The following NRG3 variants were observed in gnomAD, a reference collection of about 807,000 sequenced individuals.
NRG3 encodes neuregulin 3.
In NRG3, 31 loss-of-function variants were observed where a neutral mutation model predicts 66.9. The ratio of observed to expected loss-of-function variants is 0.46; its 90% CI spans 0.35 to 0.63. The LOEUF is 0.63. NRG3 is among the 20% of genes least tolerant of loss of function. The pLI is 0.00. For missense variants in NRG3, 910 were observed against 878.9 expected (o/e 1.04, Z -0.45); for synonymous variants, 393 against 359.4 (o/e 1.09, Z -1.06).
chr10:82,509,533 C>T, intron 2 of NRG3, among the ~76,000 whole-genome samples: 1 of 152,112 alleles, frequency 6.6e-6, no homozygotes, highest in East Asian at 1.9e-4. Flanking sequence ...CAACAAATCA[C>T]CATAAAGCCT....
intron 2 of NRG3, among the ~76,000 whole-genome samples, chr10:82,618,498 A>G (rs1314230189): frequency 6.6e-6 from 1 of 152,180 alleles, no homozygotes; most frequent in African/African-American, 2.4e-5. Flanking sequence ...CACACTGTCT[A>G]TCCTGAGTCA....
chr10:82,092,126 A>G (rs945686416), intron 1 of NRG3, among the ~76,000 whole-genome samples: 3 of 152,192 alleles, frequency 2.0e-5, no homozygotes, highest in African/African-American at 4.8e-5. Flanking sequence ...AACTTTTACT[A>G]TGAAGTTGAA....
intron 2 of NRG3, among the ~76,000 whole-genome samples, chr10:82,683,572 T>C (rs1033699536): frequency 2.0e-5 from 3 of 152,166 alleles, no homozygotes; most frequent in Non-Finnish European, 4.4e-5. Context: ...AAGATAATAT[T>C]AAAGAAATGG....
chr10:82,981,111 G>A (rs1360157064), intron 8 of NRG3, among the ~76,000 whole-genome samples: 2 of 152,106 alleles, frequency 1.3e-5, no homozygotes, highest in Admixed American at 1.3e-4. Context: ...ATTAGTAAGG[G>A]TGCTTGGAGC....
At chr10:82,092,360 T>A (rs1024064843) in intron 1 of NRG3, among the ~76,000 whole-genome samples, 2 of 151,984 alleles carry the variant, frequency 1.3e-5, no homozygotes, top group Non-Finnish European at 2.9e-5. Flanking sequence ...TAAAAATCCA[T>A]TATCCCCACC....
At chr10:82,930,470 CT>C (rs1399139989) in intron 4 of NRG3, among the ~76,000 whole-genome samples, 1 of 152,078 alleles carries the variant, frequency 6.6e-6, no homozygotes, top group East Asian at 1.9e-4. Flanking sequence ...TTTTGAGTGC[CT>C]TTTCGGATGT....
chr10:82,396,547 C>T (rs1420708130), intron 2 of NRG3, among the ~76,000 whole-genome samples: 1 of 152,148 alleles, frequency 6.6e-6, no homozygotes, highest in Admixed American at 6.5e-5. Context: ...TACTCATGAA[C>T]AAATATATGC....
intron 2 of NRG3, among the ~76,000 whole-genome samples, chr10:82,542,584 C>T (rs1747866634): frequency 6.6e-6 from 1 of 152,178 alleles, no homozygotes; most frequent in Admixed American, 6.5e-5. Context: ...TGTAAGAAAT[C>T]TTGGCAGATA....
intron 2 of NRG3, among the ~76,000 whole-genome samples, chr10:82,379,144 A>G (rs1412839619): frequency 6.6e-6 from 1 of 152,082 alleles, no homozygotes; most frequent in African/African-American, 2.4e-5. Flanking sequence ...TGAAGCCTGG[A>G]CCTAAGAAAT....
chr10:82,628,226 A>T (rs1323398938), intron 2 of NRG3, among the ~76,000 whole-genome samples: 2 of 152,202 alleles, frequency 1.3e-5, no homozygotes, highest in African/African-American at 4.8e-5. Flanking sequence ...ATTTCATTTT[A>T]TATATATTTT....
At chr10:82,094,986 A>C (rs1437168830) in intron 1 of NRG3, among the ~76,000 whole-genome samples, 1 of 152,184 alleles carries the variant, frequency 6.6e-6, no homozygotes, top group African/African-American at 2.4e-5. Flanking sequence ...ACCCCTATGC[A>C]ATATATTCAT....
chr10:82,830,530 A>G lies in NRG3; in HGVS notation c.1028-34881A>G, dbSNP rs569611433. ...AGTTAAAAATTCTGAGTTAAAACCT[A>G]TCTTGATCACAACCTAAGACTATAC... On this transcript the variant is annotated intron_variant, in intron 3 of 8. Coordinates refer to ENST00000372141, the MANE Select transcript of NRG3 (RefSeq NM_001010848.4). Among the ~76,000 whole-genome samples the G allele has an allele frequency of 2.0e-5, 3 of 152,308 alleles. No individual in the cohort carries two copies. In the South Asian group the frequency reaches 6.2e-4, roughly 32 times the overall value.
At chr10:82,011,975 T>C (rs2061597043) in intron 1 of NRG3, among the ~76,000 whole-genome samples, 1 of 152,158 alleles carries the variant, frequency 6.6e-6, no homozygotes, top group African/African-American at 2.4e-5. Context: ...GGCCCTATTC[T>C]CATGGCTCCA....
intron 1 of NRG3, among the ~76,000 whole-genome samples, chr10:81,961,860 A>G (rs1321375652): frequency 2.0e-5 from 3 of 152,260 alleles, no homozygotes; most frequent in African/African-American, 7.2e-5. Flanking sequence ...CTCAGAAGGC[A>G]GTAGCCGACG....
intron 2 of NRG3, among the ~76,000 whole-genome samples, chr10:82,695,519 A>G (rs1377602713): frequency 6.6e-6 from 1 of 152,214 alleles, no homozygotes; most frequent in East Asian, 1.9e-4. Flanking sequence ...GATATAGACT[A>G]AAATATATTT....
intron 2 of NRG3, among the ~76,000 whole-genome samples, chr10:82,564,865 A>G (rs78216024): frequency 0.034 from 5,161 of 152,272 alleles, 168 homozygotes; most frequent in African/African-American, 0.088. Context: ...TAGAAAGCAT[A>G]CAAGACAAAA....
intron 1 of NRG3, among the ~76,000 whole-genome samples, chr10:82,215,666 A>C (rs2075627936): frequency 6.8e-6 from 1 of 147,930 alleles, no homozygotes; most frequent in Admixed American, 7.1e-5. Context: ...ATACATCCCA[A>C]CTTGTATCAC....
At chr10:82,746,476 C>T (rs2058650664) in intron 3 of NRG3, among the ~76,000 whole-genome samples, 1 of 152,112 alleles carries the variant, frequency 6.6e-6, no homozygotes, top group South Asian at 2.1e-4. Flanking sequence ...AGGACATGCT[C>T]ACTATATTGT....
intron 1 of NRG3, among the ~76,000 whole-genome samples, chr10:81,927,962 A>C (rs192250843): frequency 3.7e-4 from 56 of 152,298 alleles, no homozygotes; most frequent in Admixed American, 3.6e-3. Flanking sequence ...AATAATAATA[A>C]ATCTAAGTGA....
Sources: gnomAD v4.1 joint callset for allele counts (sites outside exome capture counted in the v4.1 genomes callset) on GRCh38, gnomAD v4.1.1 for gene constraint, MANE v1.5 for transcripts, NCBI Gene and HGNC (gene_info 2026-07-23, HGNC 2026-07-21) for gene names.